SIPA1L2: variants seen among roughly 807,000 people sequenced by gnomAD.
SIPA1L2 encodes signal-induced proliferation-associated 1-like protein 2.
SIPA1L2 carries 56 observed loss-of-function variants against 163.9 expected under a neutral mutation model. The ratio of observed to expected loss-of-function variants is 0.34; its 90% confidence interval spans 0.28 to 0.43. The LOEUF (loss-of-function observed/expected upper bound fraction) is 0.43, where lower values mean the gene tolerates loss of function less well. Ranked by LOEUF, SIPA1L2 falls within the 20% of genes least tolerant of loss-of-function variation. The pLI is 1.00. For missense variants in SIPA1L2, 1,974 were observed against 2,193.5 expected, an observed-to-expected ratio of 0.90 and a Z score of 2.00; for synonymous variants, 877 against 865.7, an observed-to-expected ratio of 1.01 and a Z score of -0.23.
At position 232,504,213 on chromosome 1, in the gene SIPA1L2, TAAC is replaced by T. The variant is rs750582847; in HGVS notation, c.1483+9641_1483+9643del. Among the ~76,000 whole-genome samples, 128 of 142,474 alleles carry T rather than the reference TAAC, an allele frequency of 9.0e-4. 2 individuals are homozygous for T. The highest frequency in any genetic ancestry group is 1.5e-3 in the Non-Finnish European group (95 of 65,004). 93.5% of individuals were successfully genotyped at this position (142,474 alleles called of 152,430 possible). A position where few individuals can be genotyped will look rare whatever the true frequency, so the allele number is the denominator to read the frequency against. ...TGAGACTCCATCTCAAAACAAAAAA[TAAC>T]AACAACAACAACAACAAAAAACCAC... is the stretch of plus-strand genomic sequence containing the variant. On this transcript the variant is annotated intron_variant, in intron 3 of 22. Transcript: ENST00000674635.
chr1:232,464,614 T>G (rs1367156001), intron 9 of SIPA1L2, among the ~76,000 whole-genome samples: 2 of 152,212 alleles, frequency 1.3e-5, no homozygotes, highest in Non-Finnish European at 2.9e-5. Flanking sequence ...GCAGGTTGGC[T>G]TAACTTTTCT....
intron 12 of SIPA1L2, among the ~76,000 whole-genome samples, chr1:232,442,847 G>A (rs1328767456): frequency 2.0e-5 from 3 of 152,202 alleles, no homozygotes; most frequent in Admixed American, 2.0e-4. Flanking sequence ...TAAGAACTCT[G>A]TCTATCATCT....
At chr1:232,602,763 G>C (rs1661671031) in intron 1 of SIPA1L2, among the ~76,000 whole-genome samples, 1 of 152,224 alleles carries the variant, frequency 6.6e-6, no homozygotes, top group East Asian at 1.9e-4. Context: ...CTAGACAGCG[G>C]TATCTACAGA....
At chr1:232,573,006 C>G (rs1445895660) in intron 2 of SIPA1L2, among the ~76,000 whole-genome samples, 2 of 151,858 alleles carry the variant, frequency 1.3e-5, no homozygotes, top group Non-Finnish European at 2.9e-5. Context: ...GTCTCGAACT[C>G]CCCATCTCAG....
At chr1:232,577,233 C>G (rs1006328002) in intron 1 of SIPA1L2, among the ~76,000 whole-genome samples, 48 of 152,154 alleles carry the variant, frequency 3.2e-4, no homozygotes, top group African/African-American at 1.2e-3. Context: ...AACAACAAAG[C>G]CTGGATGACA....
chr1:232,427,561 C>T (rs1661973979), intron 17 of SIPA1L2, among the ~76,000 whole-genome samples: 1 of 152,144 alleles, frequency 6.6e-6, no homozygotes, highest in Non-Finnish European at 1.5e-5. Flanking sequence ...TTATGAAGAG[C>T]TCACATTTTA....
At chr1:232,604,702 G>A (rs1157172538) in intron 1 of SIPA1L2, among the ~76,000 whole-genome samples, 2 of 152,146 alleles carry the variant, frequency 1.3e-5, no homozygotes, top group South Asian at 2.1e-4. Context: ...TGGTGGGAGA[G>A]ACTGGATCAT....
At chr1:232,483,112 T>C (rs1665447525) in intron 6 of SIPA1L2, among the ~76,000 whole-genome samples, 2 of 152,188 alleles carry the variant, frequency 1.3e-5, no homozygotes, top group Non-Finnish European at 2.9e-5. Context: ...TATGTGTAGA[T>C]ATTAGACAAA....
chr1:232,531,370 T>C (rs537144057), intron 2 of SIPA1L2, among the ~76,000 whole-genome samples: 1 of 152,340 alleles, frequency 6.6e-6, no homozygotes, highest in African/African-American at 2.4e-5. Context: ...TCTTGTGATA[T>C]TAAATATGCA....
At position 232,432,283 on chromosome 1, in the gene SIPA1L2, G is replaced by A. The variant is rs1306214691; in HGVS notation, c.4220C>T (p.Pro1407Leu). ...VIGWKKSEGS[P>L]PPEEPEVTEC... ...AGTCACTTCAGGCTCCTCGGGCGGT[G>A]GGCTGCCCTCCGATTTCTTCCAGCC... is the stretch of plus-strand genomic sequence containing the variant. The change falls in exon 16 of 23, where the codon CCA (proline) becomes CTA (leucine). Residue 1407 changes from proline (P) to leucine (L), a missense_variant. Coordinates refer to ENST00000674635, the MANE Select transcript of SIPA1L2 (RefSeq NM_020808.5). 1 of 1,614,136 alleles carries A rather than the reference G, an allele frequency of 6.2e-7. No homozygotes were observed.
chr1:232,445,502 C>T, intron 11 of SIPA1L2, 27 bp downstream of exon 11: 1 of 1,612,742 alleles, frequency 6.2e-7, no homozygotes. Context: ...ACAAGGGCCC[C>T]CCTTGAGGAA....
At chr1:232,401,980 T>C (rs2102737347) in intron 22 of SIPA1L2, among the ~76,000 whole-genome samples, 1 of 152,280 alleles carries the variant, frequency 6.6e-6, no homozygotes, top group Admixed American at 6.5e-5. Flanking sequence ...CAGCAGAAGT[T>C]CTAAGGGCTG....
intron 15 of SIPA1L2, among the ~76,000 whole-genome samples, chr1:232,438,595 C>T (rs1270621479): frequency 6.6e-6 from 1 of 152,238 alleles, no homozygotes; most frequent in Non-Finnish European, 1.5e-5. Context: ...ACTGAATGAA[C>T]CCCAGCTGCA....
chr1:232,541,568 T>G (rs1657680605), intron 2 of SIPA1L2, among the ~76,000 whole-genome samples: 1 of 152,224 alleles, frequency 6.6e-6, no homozygotes, highest in South Asian at 2.1e-4. Flanking sequence ...TCTTTTCTTG[T>G]CAATATCTGC....
chr1:232,408,190 A>T (rs2102756772), intron 19 of SIPA1L2, among the ~76,000 whole-genome samples: 1 of 152,300 alleles, frequency 6.6e-6, no homozygotes, highest in Non-Finnish European at 1.5e-5. Context: ...AACAAAGTCT[A>T]AAATGTGACT....
chr1:232,493,018 C>T (rs908382088), intron 4 of SIPA1L2, among the ~76,000 whole-genome samples: 2 of 150,132 alleles, frequency 1.3e-5, no homozygotes, highest in Admixed American at 6.8e-5. Context: ...GAAGAGGCCT[C>T]GTAGGGGTGA....
chr1:232,507,140 T>C (rs1175437607), intron 3 of SIPA1L2, among the ~76,000 whole-genome samples: 1 of 151,996 alleles, frequency 6.6e-6, no homozygotes, highest in Non-Finnish European at 1.5e-5. Flanking sequence ...ACATTCCATT[T>C]AGTTGTCATG....
intron 2 of SIPA1L2, among the ~76,000 whole-genome samples, chr1:232,541,863 A>G (rs1315061552): frequency 2.0e-5 from 2 of 98,384 alleles, no homozygotes; most frequent in African/African-American, 3.1e-5. Context: ...TTAAAAAAAA[A>G]AAAAAAAAAA....
In SIPA1L2 at chr1:232,514,184, C is replaced by T; in HGVS notation, c.1156G>A (p.Asp386Asn). 1 of 1,614,248 alleles carries T rather than the reference C, an allele frequency of 6.2e-7. No homozygotes were observed. Among genetic ancestry groups the T allele is most frequent in the Non-Finnish European group, 8.5e-7 (1 of 1,180,052 alleles). Residue 386 changes from aspartate to asparagine, a missense_variant, in exon 3 of 23, where the codon GAC becomes AAC. Physicochemically the swap from Asp to Asn is conservative, Grantham distance 23. Coordinates refer to ENST00000674635, the MANE Select transcript of SIPA1L2 (RefSeq NM_020808.5). The stretch of plus-strand genomic sequence containing the variant: ...TCCAGGTTCTCTTTGGAGTTGAGGT[C>T]CTCCTTGCTCCCTAAAGGGGACTCA... ...NCESPLGSKE[D>N]LNSKENLDAD... is the part of the protein sequence containing the mutation.
Sources: allele counts gnomAD v4.1 joint callset (sites outside exome capture counted in the v4.1 genomes callset), GRCh38; gene constraint gnomAD v4.1.1; transcripts MANE v1.5; gene names NCBI Gene and HGNC (gene_info 2026-07-23, HGNC 2026-07-21).